The following RICTOR variants were observed in gnomAD, a reference collection of about 807,000 sequenced individuals.
RICTOR encodes RPTOR independent companion of MTOR complex 2.
RICTOR carries 49 observed loss-of-function variants against 214.9 expected under a neutral mutation model. The ratio of observed to expected loss-of-function variants is 0.23; its 90% CI spans 0.18 to 0.29. RICTOR has a LOEUF of 0.29. Among genes scored for constraint, RICTOR ranks in the 10% least tolerant of loss-of-function variants. RICTOR has a pLI of 1.00. For synonymous variants in RICTOR, 717 were observed against 711.3 expected (o/e 1.01, Z -0.13); for missense variants, 1,625 against 2,047.0 (o/e 0.79, Z 3.98).
At chr5:38,990,783 G>GATATGAT (rs1752684406) in intron 7 of RICTOR, among the ~76,000 whole-genome samples, 166 bp downstream of exon 7, 1 of 65,024 alleles carries the variant, frequency 1.5e-5, no homozygotes, top group Non-Finnish European at 3.2e-5. Flanking sequence ...ATATATATGA[G>GATATGAT]ATATATGAGA....
intron 31 of RICTOR, among the ~76,000 whole-genome samples, chr5:38,948,178 T>C (rs978456097): frequency 2.6e-5 from 4 of 152,186 alleles, no homozygotes; most frequent in African/African-American, 9.6e-5. Flanking sequence ...TACAAGGCAC[T>C]ATGCAAGGTT....
chr5:38,953,251 T>C (rs1032092601), intron 28 of RICTOR, among the ~76,000 whole-genome samples, 160 bp from the exon 29 acceptor site: 3 of 151,914 alleles, frequency 2.0e-5, no homozygotes, highest in South Asian at 2.1e-4. Flanking sequence ...CTAGTTGTCT[T>C]AGCAACAAAA....
chr5:39,063,605 CT>C (rs1407103678), intron 2 of RICTOR, among the ~76,000 whole-genome samples: 1 of 152,082 alleles, frequency 6.6e-6, no homozygotes, highest in Non-Finnish European at 1.5e-5. Context: ...TTTAGAGTCC[CT>C]TACAAAGATA....
intron 9 of RICTOR, 22 bp downstream of exon 9, chr5:38,978,561 A>C: frequency 7.5e-7 from 1 of 1,339,590 alleles, no homozygotes; most frequent in South Asian, 1.3e-5. Flanking sequence ...CTTAAAAATT[A>C]TTAGGAACCA....
intron 9 of RICTOR, among the ~76,000 whole-genome samples, chr5:38,976,954 A>T (rs557826736): frequency 2.6e-5 from 4 of 152,108 alleles, no homozygotes; most frequent in Admixed American, 1.3e-4. Flanking sequence ...GACTGTGACT[A>T]TGTTTATGTT....
intron 27 of RICTOR, 84 bp downstream of exon 27, chr5:38,954,690 G>T (rs942199000): frequency 1.5e-5 from 12 of 817,614 alleles, no homozygotes; most frequent in Non-Finnish European, 2.5e-5. Context: ...AGAAGTTTTT[G>T]CAAAGGTAAT....
Position 38,941,927 on chromosome 5 carries a change from C to A in RICTOR, c.*377G>T. The A allele has an allele frequency of 4.2e-6, 1 of 236,580 alleles. No homozygotes were observed. Among genetic ancestry groups the A allele is most frequent in the Non-Finnish European group, 8.3e-6 (1 of 120,220 alleles). 14.7% of individuals were successfully genotyped at this position (236,580 alleles called of 1,614,324 possible). On this transcript the variant is annotated 3_prime_UTR_variant, in exon 38 of 38. Transcript: ENST00000357387. ...CATCTGTATTATTTACCCTAAAAAT[C>A]ATTCAGAAATAACTTGTGAAGGGTG...
intron 4 of RICTOR, 135 bp from the exon 5 acceptor site, chr5:39,002,801 T>A: frequency 1.2e-6 from 1 of 800,890 alleles, no homozygotes; most frequent in Non-Finnish European, 1.9e-6. Context: ...GCATTCTACA[T>A]ATATAAAAAT....
chr5:39,041,529 G>A (rs1757168236), intron 2 of RICTOR, among the ~76,000 whole-genome samples: 1 of 152,128 alleles, frequency 6.6e-6, no homozygotes, highest in Admixed American at 6.5e-5. Flanking sequence ...GAGGAGAAAG[G>A]CAAGTTTAAG....
chr5:39,009,160 C>T (rs1754301457), intron 3 of RICTOR, among the ~76,000 whole-genome samples: 1 of 151,962 alleles, frequency 6.6e-6, no homozygotes, highest in Non-Finnish European at 1.5e-5. Flanking sequence ...TTGGTTTTTC[C>T]CCTAAGTGTG....
chr5:39,009,961 A>G (rs527740632), intron 3 of RICTOR, among the ~76,000 whole-genome samples: 1 of 152,302 alleles, frequency 6.6e-6, no homozygotes, highest in African/African-American at 2.4e-5. Flanking sequence ...TAAAGTACAC[A>G]TTAAACTGTT....
At chr5:38,950,857 C>A (rs924479247) in intron 30 of RICTOR, 137 bp from the exon 31 acceptor site, 21 of 555,708 alleles carry the variant, frequency 3.8e-5, no homozygotes, top group Non-Finnish European at 6.3e-5. Flanking sequence ...TTAAACCATT[C>A]AGCTACTTGA....
intron 2 of RICTOR, among the ~76,000 whole-genome samples, chr5:39,051,047 A>T (rs1757804342): frequency 8.3e-6 from 1 of 120,454 alleles, no homozygotes; most frequent in Non-Finnish European, 2.0e-5. Context: ...ATATATACAC[A>T]CACACACACA....
At chr5:38,951,193 A>G (rs901683958) in intron 30 of RICTOR, among the ~76,000 whole-genome samples, 1 of 151,954 alleles carries the variant, frequency 6.6e-6, no homozygotes, top group Admixed American at 6.6e-5. Flanking sequence ...TTATAAATTC[A>G]TGTTTAAATT....
rs70982532 is a variant in RICTOR at position 39,002,169 on chromosome 5, CAAAA to C, written c.392+362_392+365del. ...ATTTATAAAATGAAATGTTACACAG[CAAAA>C]AAAAAAAAAAAAAAAATCAACATGT... On this transcript the variant is annotated intron_variant, in intron 5 of 37. Transcript: ENST00000357387. Among the ~76,000 whole-genome samples, 654 of 122,526 alleles carry C rather than the reference CAAAA, an allele frequency of 5.3e-3. 4 individuals are homozygous for C. The highest frequency in any genetic ancestry group is 0.034 in the East Asian group (142 of 4,126). 80.4% of individuals were successfully genotyped at this position (122,526 alleles called of 152,430 possible). A position where few individuals can be genotyped will look rare whatever the true frequency, so the allele number is the denominator to read the frequency against.
intron 31 of RICTOR, among the ~76,000 whole-genome samples, chr5:38,948,853 A>T (rs978660796): frequency 1.3e-5 from 2 of 152,070 alleles, no homozygotes; most frequent in Non-Finnish European, 2.9e-5. Flanking sequence ...TATTGAAACA[A>T]AACTGCTTAA....
At position 39,053,587 on chromosome 5, in the gene RICTOR, G is replaced by A. The variant is rs141484559; in HGVS notation, c.97+20524C>T. Among the ~76,000 whole-genome samples the A allele has an allele frequency of 7.0e-3, 1,070 of 152,238 alleles. 53 individuals carry two copies. In the East Asian group the frequency reaches 0.12, roughly 17 times the overall value. ...TATTAAATAAATGTTTATTAAATCC[G>A]CAGAATTAGAAAGCAAGAATAAGGG... On this transcript the variant is annotated intron_variant, in intron 2 of 37. Coordinates refer to ENST00000357387, the MANE Select transcript of RICTOR (RefSeq NM_152756.5).
At chr5:39,034,483 C>T (rs190490990) in intron 2 of RICTOR, among the ~76,000 whole-genome samples, 1 of 152,236 alleles carries the variant, frequency 6.6e-6, no homozygotes. Context: ...ACAGTGGGTG[C>T]AGCGCACCGT....
chr5:38,945,528 C>G lies in RICTOR; in HGVS notation c.4596G>C (p.Gln1532His), dbSNP rs1205204797. Reference sequence around the variant, plus strand: ...ATATTGCACTCAGTTGGTTGCTGGGCTGGAAACCCAGAATTTCAATACAGA... The same window carrying G: ...ATATTGCACTCAGTTGGTTGCTGGGGTGGAAACCCAGAATTTCAATACAGA... ...YCVCIEILGF[Q>H]PSNQLSAICS... Residue 1532 changes from glutamine to histidine, a missense_variant, in exon 34 of 38, where the codon CAG (glutamine) becomes CAC (histidine). Coordinates refer to ENST00000357387, the MANE Select transcript of RICTOR (RefSeq NM_152756.5). 1 of 1,613,950 alleles carries G rather than the reference C, an allele frequency of 6.2e-7. No individual in the cohort carries two copies. Among genetic ancestry groups the G allele is most frequent in the South Asian group, 1.1e-5 (1 of 91,078 alleles).
Sources: gnomAD v4.1 joint callset for allele counts (sites outside exome capture counted in the v4.1 genomes callset) on GRCh38, gnomAD v4.1.1 for gene constraint, MANE v1.5 for transcripts, NCBI Gene and HGNC (gene_info 2026-07-23, HGNC 2026-07-21) for gene names.